OSTF1: variants seen among roughly 807,000 people sequenced by gnomAD.
OSTF1 encodes the protein osteoclast-stimulating factor 1.
A neutral mutation model predicts 37.2 loss-of-function variants in OSTF1; 27 were observed. The ratio of observed to expected loss-of-function variants is 0.73; its 90% CI spans 0.54 to 1.00. The LOEUF (loss-of-function observed/expected upper bound fraction) is 1.00, where lower values mean the gene tolerates loss of function less well. Ranked by LOEUF, OSTF1 falls within the 50% of genes least tolerant of loss-of-function variation. The pLI is 0.00. For missense variants in OSTF1, 232 were observed against 253.8 expected (o/e 0.91, Z 0.58); for synonymous variants, 82 against 89.2 (o/e 0.92, Z 0.46).
chr9:75,145,043 A>G (rs1825998309), intron 9 of OSTF1, among the ~76,000 whole-genome samples: 1 of 152,038 alleles, frequency 6.6e-6, no homozygotes, highest in South Asian at 2.1e-4. Flanking sequence ...TCTGTCCTTT[A>G]TGTTTTTGTC....
At chr9:75,110,783 T>C (rs1825372679) in intron 1 of OSTF1, among the ~76,000 whole-genome samples, 1 of 151,976 alleles carries the variant, frequency 6.6e-6, no homozygotes, top group African/African-American at 2.4e-5. Flanking sequence ...CAGTCATGGC[T>C]CACTGCAGCC....
chr9:75,103,536 A>T (rs183201271), intron 1 of OSTF1, among the ~76,000 whole-genome samples: 1 of 152,312 alleles, frequency 6.6e-6, no homozygotes, highest in African/African-American at 2.4e-5. Context: ...TTGCATATAT[A>T]ATATTACCAC....
chr9:75,110,090 T>C (rs1467034817), intron 1 of OSTF1, among the ~76,000 whole-genome samples: 1 of 152,190 alleles, frequency 6.6e-6, no homozygotes, highest in Non-Finnish European at 1.5e-5. Flanking sequence ...CAATGCATCA[T>C]CATCATCCAG....
intron 4 of OSTF1, 132 bp downstream of exon 4, chr9:75,130,773 T>C: frequency 1.6e-6 from 1 of 643,636 alleles, no homozygotes. Flanking sequence ...TTCTATTCCA[T>C]GAGCCTTCTG....
At chr9:75,125,185 G>A (rs1299241345) in intron 2 of OSTF1, among the ~76,000 whole-genome samples, 2 of 152,184 alleles carry the variant, frequency 1.3e-5, no homozygotes, top group Admixed American at 6.5e-5. Flanking sequence ...AAAATTGCCA[G>A]CAAAGGCCAA....
In OSTF1 at chr9:75,147,194, CTT is replaced by C. The variant is rs1826042011; in HGVS notation, c.*455_*456del. The C allele has an allele frequency of 6.6e-6, 1 of 152,130 alleles. No individual in the cohort carries two copies. The highest frequency in any genetic ancestry group is 2.4e-5 in the African/African-American group (1 of 41,336). 9.4% of individuals were successfully genotyped at this position (152,130 alleles called of 1,614,324 possible). ...TGACAAAAATAAACATTTTGAGAGA[CTT>C]TATTTCTTTTGTCCGTTTCTGTGGT... On this transcript the variant is annotated 3_prime_UTR_variant, in exon 10 of 10. Transcript: ENST00000346234.
chr9:75,117,636 G>T, intron 2 of OSTF1, 86 bp downstream of exon 2: 2 of 1,001,418 alleles, frequency 2.0e-6, no homozygotes, highest in Admixed American at 1.9e-5. Context: ...TGAATGGTCT[G>T]CCTTTTCTTT....
rs572027528 is a variant in OSTF1, at chr9:75,105,971, T to A, written c.35-11533T>A. ...AAAATGGATTAGAAAGGCACACTGT[T>A]AATAAACAGAACGCTCTTGTCAGAA... On this transcript the variant is annotated intron_variant, in intron 1 of 9. Transcript: ENST00000346234. Among the ~76,000 whole-genome samples the A allele has an allele frequency of 1.2e-4, 19 of 152,340 alleles. No homozygotes were observed. In the South Asian group the frequency reaches 3.9e-3, roughly 32 times the overall value.
rs1269469651 is a variant in OSTF1 at position 75,088,724 on chromosome 9, C to T, written c.32C>T (p.Pro11Leu). 6.2e-7 allele frequency: 1 copy of T among 1,608,644 alleles called. No homozygotes were observed. The highest frequency in any genetic ancestry group is 8.5e-7 in the Non-Finnish European group (1 of 1,177,302). MSKPPPKPVK[P>L]GQVKVFRALY... ...AAGCCGCCACCCAAACCAGTCAAAC[C>T]AGGTGAGGGAGGTAAGGTAGGCGCT... The change falls in exon 1 of 10, where the codon CCA becomes CTA. Residue 11 changes from proline (P) to leucine (L), a missense_variant and splice_region_variant. Coordinates refer to ENST00000346234, the MANE Select transcript of OSTF1 (RefSeq NM_012383.5).
At chr9:75,092,134 A>G (rs1233812903) in intron 1 of OSTF1, among the ~76,000 whole-genome samples, 1 of 152,236 alleles carries the variant, frequency 6.6e-6, no homozygotes, top group Admixed American at 6.5e-5. Flanking sequence ...TTGCTGGAAG[A>G]TATTAAAAAC....
chr9:75,092,673 T>C (rs983628866), intron 1 of OSTF1, among the ~76,000 whole-genome samples: 1 of 152,216 alleles, frequency 6.6e-6, no homozygotes, highest in Admixed American at 6.5e-5. Context: ...TATTTACATT[T>C]GGTTGAATAT....
intron 1 of OSTF1, among the ~76,000 whole-genome samples, chr9:75,101,497 G>C (rs931162286): frequency 6.6e-6 from 1 of 152,102 alleles, no homozygotes; most frequent in African/African-American, 2.4e-5. Flanking sequence ...TCCTCTTTTT[G>C]GGTCTGTTAG....
At chr9:75,096,362 T>A (rs562040765) in intron 1 of OSTF1, among the ~76,000 whole-genome samples, 3 of 152,228 alleles carry the variant, frequency 2.0e-5, no homozygotes, top group African/African-American at 7.2e-5. Context: ...GTCTTTAGCA[T>A]CCCTTATAAT....
intron 3 of OSTF1, 46 bp from the exon 4 acceptor site, chr9:75,130,532 T>A: frequency 8.1e-7 from 1 of 1,240,810 alleles, no homozygotes; most frequent in Non-Finnish European, 1.2e-6. Context: ...AGTGAATGAA[T>A]GCAGTCTGGA....
chr9:75,120,815 T>C (rs1474209620), intron 2 of OSTF1, among the ~76,000 whole-genome samples: 2 of 152,246 alleles, frequency 1.3e-5, no homozygotes, highest in Non-Finnish European at 2.9e-5. Flanking sequence ...CTTCCTGTTC[T>C]TGAACTATCC....
chr9:75,115,605 A>G (rs976481333), intron 1 of OSTF1, among the ~76,000 whole-genome samples: 2 of 151,012 alleles, frequency 1.3e-5, no homozygotes, highest in Admixed American at 1.3e-4. Flanking sequence ...ATCTGTTCTA[A>G]ATCTATTTAT....
intron 1 of OSTF1, among the ~76,000 whole-genome samples, chr9:75,110,908 T>TG (rs950324437): frequency 1.1e-4 from 17 of 152,006 alleles, no homozygotes; most frequent in African/African-American, 3.9e-4. Context: ...TTTGTAGAGC[T>TG]GGGGTCTCAT....
rs577587480 is a variant in OSTF1, at chr9:75,129,267, A to T, written c.133-1311A>T. Among the ~76,000 whole-genome samples, 3 of 152,332 alleles carry T rather than the reference A, an allele frequency of 2.0e-5. No individual in the cohort carries two copies. The South Asian group carries it at 6.2e-4, about 32-fold the overall frequency. On this transcript the variant is annotated intron_variant, in intron 3 of 9. Coordinates refer to ENST00000346234, the MANE Select transcript of OSTF1 (RefSeq NM_012383.5). ...GGTCAGCATGAGAGAATGCTAGGAA[A>T]TCAGGTTTTTATTCTGACAACTGTT...
At chr9:75,099,730 G>C (rs1825156358) in intron 1 of OSTF1, among the ~76,000 whole-genome samples, 1 of 152,132 alleles carries the variant, frequency 6.6e-6, no homozygotes, top group Non-Finnish European at 1.5e-5. Context: ...TCGGGTGGCC[G>C]AGGCAGGAGA....
Sources: gnomAD v4.1 joint callset for allele counts (sites outside exome capture counted in the v4.1 genomes callset) on GRCh38, gnomAD v4.1.1 for gene constraint, MANE v1.5 for transcripts, NCBI Gene and HGNC (gene_info 2026-07-23, HGNC 2026-07-21) for gene names.